Variants in LMBR1L observed in about 807,000 individuals in gnomAD.
The protein encoded by LMBR1L is limb development membrane protein 1 like.
Under a neutral mutation model 67.3 loss-of-function variants are expected in LMBR1L, and 47 were observed. That is an observed-to-expected ratio of 0.70 (90% CI 0.55 to 0.89). LMBR1L has a LOEUF of 0.89. LMBR1L is among the 40% of genes least tolerant of loss of function. The probability of loss-of-function intolerance (pLI) is 0.00; values close to 1 mark genes in which losing one functional copy is unlikely to be tolerated. For synonymous variants in LMBR1L, 247 were observed against 250.3 expected (o/e 0.99, Z 0.13); for missense variants, 533 against 599.2 (o/e 0.89, Z 1.15).
intron 1 of LMBR1L, 162 bp downstream of exon 1, chr12:49,110,322 G>T (rs1941404645): frequency 2.9e-6 from 2 of 681,356 alleles, no homozygotes; most frequent in Admixed American, 2.2e-5. Context: ...CCATCTAGGG[G>T]ATCGCTAGCC....
Position 49,102,273 on chromosome 12 carries a change from A to G in LMBR1L, c.853+20T>C. ...TCCTTGGGGAAACCCAGGTATCCCA[A>G]GCCCTACGAAGCCACATACCCAGCA... is the stretch of plus-strand genomic sequence containing the variant. On this transcript the variant is annotated intron_variant, in intron 10 of 16. Coordinates refer to ENST00000267102, the MANE Select transcript of LMBR1L (RefSeq NM_018113.4). 6.2e-7 allele frequency: 1 copy of G among 1,613,958 alleles called. No individual in the cohort carries two copies. The highest frequency in any genetic ancestry group is 8.5e-7 in the Non-Finnish European group (1 of 1,179,806).
chr12:49,099,793 C>T lies in LMBR1L; in HGVS notation c.1240+595G>A, dbSNP rs201000469. 2.2e-4 allele frequency among the ~76,000 whole-genome samples: 34 copies of T among 152,296 alleles called. No homozygotes were observed. The East Asian group carries it at 6.2e-3, about 28-fold the overall frequency. On this transcript the variant is annotated intron_variant, in intron 15 of 16. Coordinates refer to ENST00000267102, the MANE Select transcript of LMBR1L (RefSeq NM_018113.4). ...ATGGGGTTTCTCCATGTTGCTCAGG[C>T]TGGTCTCGAAATCCTGACCTCAGGT... is the stretch of plus-strand genomic sequence containing the variant.
chr12:49,098,229 A>T (rs994138356), intron 15 of LMBR1L, 124 bp from the exon 16 acceptor site: 2 of 986,922 alleles, frequency 2.0e-6, no homozygotes, highest in Non-Finnish European at 3.1e-6. Context: ...GCCTCTCCCA[A>T]TTCTACCACC....
At chr12:49,100,323 C>T (rs1939980051) in intron 15 of LMBR1L, 65 bp downstream of exon 15, 1 of 1,224,908 alleles carries the variant, frequency 8.2e-7, no homozygotes, top group Non-Finnish European at 1.2e-6. Context: ...ATATAAAGTG[C>T]CTGCTTTGCA....
At chr12:49,100,970 C>A in intron 13 of LMBR1L, 1 of 587,858 alleles carries the variant, frequency 1.7e-6, no homozygotes, top group South Asian at 2.1e-5. Context: ...CTCAAGCAAT[C>A]TACCCGCCTC....
At chr12:49,103,633 G>C in intron 6 of LMBR1L, 54 bp downstream of exon 6, 1 of 1,559,478 alleles carries the variant, frequency 6.4e-7, no homozygotes, top group South Asian at 1.2e-5. Context: ...TCCAGGCAGG[G>C]GGACATGGGC....
intron 3 of LMBR1L, 67 bp from the exon 4 acceptor site, chr12:49,104,952 C>G: frequency 6.5e-7 from 1 of 1,536,382 alleles, no homozygotes; most frequent in Admixed American, 2.0e-5. Context: ...GAAGAAGCCC[C>G]ATTTGTCCTG....
At chr12:49,100,226 G>C (rs1030799624) in intron 15 of LMBR1L, among the ~76,000 whole-genome samples, 162 bp downstream of exon 15, 1 of 152,204 alleles carries the variant, frequency 6.6e-6, no homozygotes, top group Non-Finnish European at 1.5e-5. Context: ...CTCAGTGTAG[G>C]CACTTTACAG....
At chr12:49,100,527 G>A (rs768895149) in intron 14 of LMBR1L, 29 bp downstream of exon 14, 32 of 1,610,498 alleles carry the variant, frequency 2.0e-5, no homozygotes, top group Admixed American at 5.0e-5. Context: ...CACACCCCCC[G>A]GGAGCTTCCC....
chr12:49,097,878 T>A, intron 16 of LMBR1L, 66 bp downstream of exon 16: 1 of 1,590,146 alleles, frequency 6.3e-7, no homozygotes, highest in Non-Finnish European at 8.6e-7. Context: ...GCTGGGGTGA[T>A]CCATGTTCCA....
chr12:49,106,774 G>T (rs1177871250), intron 2 of LMBR1L, 187 bp downstream of exon 2: 2 of 836,810 alleles, frequency 2.4e-6, no homozygotes, highest in South Asian at 1.4e-5. Context: ...TATATGACTT[G>T]CCCAGCAGAC....
intron 9 of LMBR1L, 24 bp from the exon 10 acceptor site, chr12:49,102,400 G>A (rs1213558438): frequency 6.2e-7 from 1 of 1,613,602 alleles, no homozygotes; most frequent in Admixed American, 1.7e-5. Context: ...AGATGGTGTT[G>A]CTCTCAAGTC....
chr12:49,101,781 G>C, intron 11 of LMBR1L: 1 of 580,724 alleles, frequency 1.7e-6, no homozygotes, highest in Non-Finnish European at 3.1e-6. Flanking sequence ...ATAGGAAAAG[G>C]CATCTCTCTT....
chr12:49,104,511 G>A lies in LMBR1L; in HGVS notation c.372C>T (p.Leu124=), dbSNP rs750433826. ...NLVFLFSNLS[L]IFLMPFAYFF... ...AATATGCAAAGGGCATGAGGAAGAT[G>A]AGGGACAGGTTGGAGAAGAGAAAAA... Residue 124 remains leucine, a synonymous_variant, in exon 5 of 17, where the codon CTC becomes CTT. Transcript: ENST00000267102. 2 of 1,614,116 alleles carry A rather than the reference G, an allele frequency of 1.2e-6. No individual in the cohort carries two copies. Among genetic ancestry groups the A allele is most frequent in the Non-Finnish European group, 1.7e-6 (2 of 1,180,004 alleles).
chr12:49,106,014 G>A (rs1316193741), intron 2 of LMBR1L, 57 bp from the exon 3 acceptor site: 3 of 1,473,462 alleles, frequency 2.0e-6, no homozygotes, highest in Non-Finnish European at 2.8e-6. Context: ...GCAGCTCTGA[G>A]GCCGTTAGTA....
chr12:49,102,406 A>G, intron 9 of LMBR1L, 30 bp from the exon 10 acceptor site: 1 of 1,613,794 alleles, frequency 6.2e-7, no homozygotes, highest in Non-Finnish European at 8.5e-7. Flanking sequence ...TGTTGCTCTC[A>G]AGTCCTGCAG....
chr12:49,107,016 G>A lies in LMBR1L; in HGVS notation c.102C>T (p.Tyr34=). ...GGGTCAGGAAGATGTGGCAGAGGAT[G>A]TACAGTGTTGCAAACAGAAGTGTTG... ...IISTLLFATL[Y]ILCHIFLTRF... Residue 34 remains tyrosine (Y), a synonymous_variant, in exon 2 of 17, where the codon TAC becomes TAT. Transcript: ENST00000267102. 6.2e-7 allele frequency: 1 copy of A among 1,613,676 alleles called. No individual in the cohort carries two copies. The highest frequency in any genetic ancestry group is 2.2e-5 in the East Asian group (1 of 44,892).
Position 49,097,594 on chromosome 12 carries a change from A to G in LMBR1L, c.*78T>C. 2 of 1,446,550 alleles carry G rather than the reference A, an allele frequency of 1.4e-6. No homozygotes were observed. The highest frequency in any genetic ancestry group is 1.9e-6 in the Non-Finnish European group (2 of 1,035,060). 89.6% of individuals were successfully genotyped at this position (1,446,550 alleles called of 1,614,324 possible). ...CTCAGATTCCAGGTCCTGAGGTCCA[A>G]GTAGCCTTGGGCTTCCCTCCAGGCC... On this transcript the variant is annotated 3_prime_UTR_variant, in exon 17 of 17. Transcript: ENST00000267102.
intron 11 of LMBR1L, chr12:49,101,892 G>C (rs1940239895): frequency 1.7e-6 from 1 of 590,312 alleles, no homozygotes; most frequent in Non-Finnish European, 3.0e-6. Flanking sequence ...ACTCCTCACT[G>C]GCCCTGTGTC....
Sources: allele counts gnomAD v4.1 joint callset (sites outside exome capture counted in the v4.1 genomes callset), GRCh38; gene constraint gnomAD v4.1.1; transcripts MANE v1.5; gene names NCBI Gene and HGNC (gene_info 2026-07-23, HGNC 2026-07-21).